Variants in IGF2BP1 observed in about 807,000 individuals in gnomAD.
IGF2BP1 encodes the protein insulin like growth factor 2 mRNA binding protein 1.
Under a neutral mutation model 74.9 loss-of-function variants are expected in IGF2BP1, and 11 were observed. That is an observed-to-expected ratio of 0.15 (90% CI 0.09 to 0.24). The LOEUF (loss-of-function observed/expected upper bound fraction) is 0.24. IGF2BP1 is among the 10% of genes least tolerant of loss of function. The pLI is 1.00. For missense variants in IGF2BP1, 440 were observed against 757.4 expected (o/e 0.58, Z 4.92); for synonymous variants, 287 against 281.8 (o/e 1.02, Z -0.18).
intron 2 of IGF2BP1, among the ~76,000 whole-genome samples, chr17:49,021,202 G>T (rs1164392269): frequency 1.3e-5 from 2 of 151,796 alleles, no homozygotes. Context: ...TTTCTCTTTG[G>T]TGTAAGTCAG....
At chr17:49,045,713 G>A (rs748141226) in intron 12 of IGF2BP1, among the ~76,000 whole-genome samples, 177 bp from the exon 13 acceptor site, 2 of 152,220 alleles carry the variant, frequency 1.3e-5, no homozygotes, top group Admixed American at 6.5e-5. Flanking sequence ...TAAGCAGAAG[G>A]AATGCTGACA....
At chr17:49,015,219 C>G (rs1216550055) in intron 2 of IGF2BP1, among the ~76,000 whole-genome samples, 2 of 152,202 alleles carry the variant, frequency 1.3e-5, no homozygotes, top group African/African-American at 4.8e-5. Context: ...ATGATCCTCC[C>G]GCTTCTGCTT....
At position 49,030,715 on chromosome 17, in the gene IGF2BP1, G is replaced by A. The variant is rs1025796165; in HGVS notation, c.338-1195G>A. Among the ~76,000 whole-genome samples the A allele has an allele frequency of 4.0e-5, 6 of 150,492 alleles. No homozygotes were observed. In the East Asian group the frequency reaches 7.9e-4, roughly 20 times the overall value. ...ATCTTTGGCTTACTGCAACCTCCAC[G>A]TCCCGGGTTCAAGCGATTCTCCTGC... On this transcript the variant is annotated intron_variant, in intron 4 of 14. Transcript: ENST00000290341.
rs1195325046 is a variant in IGF2BP1 at position 49,055,290 on chromosome 17, G to A, written c.*5846G>A. On this transcript the variant is annotated 3_prime_UTR_variant, in exon 15 of 15. Coordinates refer to ENST00000290341, the MANE Select transcript of IGF2BP1 (RefSeq NM_006546.4). The stretch of plus-strand genomic sequence containing the variant: ...ATTTTCTTCACTTGTTTAAGATAAC[G>A]TGCTAGCTATTCCAACAGGTAACAG... The A allele has an allele frequency of 1.9e-5, 4 of 209,356 alleles. No individual in the cohort carries two copies. Among genetic ancestry groups the A allele is most frequent in the Non-Finnish European group, 2.8e-5 (3 of 105,846 alleles). 13.0% of individuals were successfully genotyped at this position (209,356 alleles called of 1,614,324 possible).
chr17:49,026,916 G>T (rs548606744), intron 4 of IGF2BP1, among the ~76,000 whole-genome samples: 1 of 152,096 alleles, frequency 6.6e-6, no homozygotes, highest in East Asian at 1.9e-4. Context: ...GCTGATTTTT[G>T]TATTTTTAGT....
intron 5 of IGF2BP1, chr17:49,037,295 G>A: frequency 2.1e-6 from 1 of 470,536 alleles, no homozygotes. Context: ...ATTCTCTATT[G>A]AAAGGACGTC....
At position 48,997,560 on chromosome 17, in the gene IGF2BP1, C is replaced by A; in HGVS notation, c.-186C>A. 1.6e-6 allele frequency: 1 copy of A among 616,350 alleles called. No individual in the cohort carries two copies. 38.2% of individuals were successfully genotyped at this position (616,350 alleles called of 1,614,324 possible). On this transcript the variant is annotated 5_prime_UTR_variant, in exon 1 of 15. Transcript: ENST00000290341. This position sits in a 1 kb window ranked among gnomAD's most constrained non-coding sequence, Gnocchi z 4.8. ...CTCCTGGGCTCTCCCCGAACTCTCC[C>A]GCGACCTCTGCGCGCCCTCAGGCCG...
chr17:49,008,459 T>TGG (rs1356938634), intron 2 of IGF2BP1, among the ~76,000 whole-genome samples: 1 of 152,218 alleles, frequency 6.6e-6, no homozygotes, highest in East Asian at 1.9e-4. Flanking sequence ...CTTTTTAGAA[T>TGG]AGAGTGGAGT....
intron 2 of IGF2BP1, among the ~76,000 whole-genome samples, chr17:49,011,137 CAAAAAAAAAAAAAAAA>C (rs61620827): frequency 1.4e-4 from 8 of 57,298 alleles, no homozygotes; most frequent in South Asian, 7.2e-4. Context: ...GACTCTGTCT[CAAAAAAAAAAAAAAAA>C]AAAAAAAAAA....
chr17:49,004,690 C>T (rs1252272493), intron 2 of IGF2BP1: 1 of 152,198 alleles, frequency 6.6e-6, no homozygotes, highest in Non-Finnish European at 1.5e-5. Flanking sequence ...AAAAGAGAGA[C>T]AACAGGCCTT....
Position 48,999,087 on chromosome 17 carries a change from ATTT to A in IGF2BP1, c.176-12_176-10del, listed in dbSNP as rs369408885. On this transcript the variant is annotated intron_variant, in intron 1 of 14. Transcript: ENST00000290341. Reference sequence around the variant, plus strand: ...AACCCCTGTTCAAGCTCTCATGGTAATTTTTTTTTTTTAATCTTTAGGGAAAGT... The same window carrying A: ...AACCCCTGTTCAAGCTCTCATGGTAATTTTTTTTTAATCTTTAGGGAAAGT... 833 of 1,160,666 alleles carry A rather than the reference ATTT, an allele frequency of 7.2e-4. No homozygotes were observed. The highest frequency in any genetic ancestry group is 9.4e-4 in the Non-Finnish European group (771 of 821,482). 71.9% of individuals were successfully genotyped at this position (1,160,666 alleles called of 1,614,324 possible). A position where few individuals can be genotyped will look rare whatever the true frequency, so the allele number is the denominator to read the frequency against.
chr17:49,023,796 A>G (rs898068257), intron 2 of IGF2BP1, among the ~76,000 whole-genome samples: 81 of 152,304 alleles, frequency 5.3e-4, no homozygotes, highest in African/African-American at 1.9e-3. Context: ...TATAAATGCA[A>G]TTGGCCAATG....
chr17:49,029,378 G>A (rs2041895184), intron 4 of IGF2BP1, among the ~76,000 whole-genome samples: 1 of 152,158 alleles, frequency 6.6e-6, no homozygotes, highest in Non-Finnish European at 1.5e-5. Context: ...ACTTTGGGAG[G>A]CTGAGATGGG....
chr17:49,031,427 C>T (rs180906958), intron 4 of IGF2BP1, among the ~76,000 whole-genome samples: 14 of 152,092 alleles, frequency 9.2e-5, no homozygotes, highest in African/African-American at 3.1e-4. Context: ...TTTCTAGTAG[C>T]TTCCTTGAAA....
At position 49,026,448 on chromosome 17, in the gene IGF2BP1, C is replaced by A. The variant is rs746176987; in HGVS notation, c.286-18C>A. On this transcript the variant is annotated intron_variant, in intron 3 of 14. Coordinates refer to ENST00000290341, the MANE Select transcript of IGF2BP1 (RefSeq NM_006546.4). ...TGGGACTCAGAGTTAAGTGTACTTCCCTTCTCCATTCTCCTAGGTACTGGA... is the reference window on the plus strand; with the variant it reads ...TGGGACTCAGAGTTAAGTGTACTTCACTTCTCCATTCTCCTAGGTACTGGA... 1.5e-5 allele frequency: 24 copies of A among 1,612,786 alleles called. No homozygotes were observed. In the Admixed American group the frequency reaches 4.0e-4, roughly 27 times the overall value.
chr17:49,022,084 C>A (rs1214872995), intron 2 of IGF2BP1, among the ~76,000 whole-genome samples: 2 of 152,158 alleles, frequency 1.3e-5, no homozygotes, highest in Non-Finnish European at 2.9e-5. Flanking sequence ...TGGCAGGCAG[C>A]TTGTTTTATA....
chr17:49,041,728 A>G (rs1022614897), intron 8 of IGF2BP1, among the ~76,000 whole-genome samples: 7 of 152,146 alleles, frequency 4.6e-5, no homozygotes, highest in African/African-American at 1.7e-4. Flanking sequence ...TGCTGCCTCT[A>G]CAGTCCACGT....
At chr17:49,000,410 A>G (rs2041474754) in intron 2 of IGF2BP1, among the ~76,000 whole-genome samples, 1 of 152,214 alleles carries the variant, frequency 6.6e-6, no homozygotes, top group South Asian at 2.1e-4. Flanking sequence ...ATAGATCAAT[A>G]TGGCTTGTTA....
intron 5 of IGF2BP1, among the ~76,000 whole-genome samples, chr17:49,033,008 G>A (rs966473527): frequency 2.4e-4 from 36 of 152,122 alleles, no homozygotes; most frequent in African/African-American, 6.3e-4. Context: ...GTAGAGACGA[G>A]GTTTCACCAT....
Sources: gnomAD v4.1 joint callset for allele counts (sites outside exome capture counted in the v4.1 genomes callset) on GRCh38, gnomAD v4.1.1 for gene constraint, Gnocchi (gnomAD v3.1) non-coding constraint, MANE v1.5 for transcripts, NCBI Gene and HGNC (gene_info 2026-07-23, HGNC 2026-07-21) for gene names.